Variants in SLC22A23 observed in about 807,000 individuals in gnomAD.
SLC22A23 encodes solute carrier family 22 member 23.
Under a neutral mutation model 61.0 loss-of-function variants are expected in SLC22A23, and 26 were observed. The observed-to-expected ratio is 0.43, with a 90% CI of 0.31 to 0.59. The LOEUF (loss-of-function observed/expected upper bound fraction) is 0.59, where lower values mean the gene tolerates loss of function less well. Among genes scored for constraint, SLC22A23 ranks in the 20% least tolerant of loss-of-function variants. The pLI is 0.11. For synonymous variants in SLC22A23, 430 were observed against 413.9 expected (o/e 1.04, Z -0.47); for missense variants, 796 against 934.7 (o/e 0.85, Z 1.94).
At chr6:3,451,536 G>A (rs1337788450) in intron 1 of SLC22A23, among the ~76,000 whole-genome samples, 2 of 152,204 alleles carry the variant, frequency 1.3e-5, no homozygotes, top group African/African-American at 2.4e-5. Flanking sequence ...AGTCCATGGA[G>A]TCTTTGTTTT....
rs1480510913 is a variant in SLC22A23 at position 3,309,277 on chromosome 6, C to T, written c.1083-11059G>A. 2.0e-5 allele frequency among the ~76,000 whole-genome samples: 3 copies of T among 152,182 alleles called. No homozygotes were observed. The East Asian group carries it at 5.8e-4, about 29-fold the overall frequency. On this transcript the variant is annotated intron_variant, in intron 4 of 9. Coordinates refer to ENST00000406686, the MANE Select transcript of SLC22A23 (RefSeq NM_015482.2). This position sits in a 1 kb window ranked among gnomAD's most constrained non-coding sequence, Gnocchi z 4.7. ...TGCCGCTGCACTCTAGCCTGGGCAA[C>T]AGAGTGAGACCCTGTCTCAAAATGA...
rs935797826 is a variant in SLC22A23, at chr6:3,360,827, G to A, written c.914-36825C>T. ...TCGGCCAGGCAGGCCCACAGCTGGCGTGGTCATCCAGGGCGGGAACGGGAT... is the reference window on the plus strand; with the variant it reads ...TCGGCCAGGCAGGCCCACAGCTGGCATGGTCATCCAGGGCGGGAACGGGAT... On this transcript the variant is annotated intron_variant, in intron 3 of 9. Coordinates refer to ENST00000406686, the MANE Select transcript of SLC22A23 (RefSeq NM_015482.2). This position sits in a 1 kb window ranked among gnomAD's most constrained non-coding sequence, Gnocchi z 4.6. Among the ~76,000 whole-genome samples, 3 of 152,236 alleles carry A rather than the reference G, an allele frequency of 2.0e-5. No homozygotes were observed. Among genetic ancestry groups the A allele is most frequent in the East Asian group, 3.9e-4 (2 of 5,194 alleles).
chr6:3,446,882 G>C (rs906393302), intron 1 of SLC22A23, among the ~76,000 whole-genome samples: 2 of 152,074 alleles, frequency 1.3e-5, no homozygotes, highest in Non-Finnish European at 2.9e-5. Flanking sequence ...CTGGCTAAGG[G>C]CATCTCCCTG....
At chr6:3,412,901 A>G (rs6921923) in intron 2 of SLC22A23, among the ~76,000 whole-genome samples, 121,023 of 151,830 alleles carry the variant, frequency 0.8, 48,660 homozygotes, top group South Asian at 0.86. Flanking sequence ...AAAGCAGGGG[A>G]GCAGATTATC....
intron 3 of SLC22A23, among the ~76,000 whole-genome samples, chr6:3,358,962 C>G (rs1765276649): frequency 6.6e-6 from 1 of 152,170 alleles, no homozygotes; most frequent in African/African-American, 2.4e-5. Context: ...AGCTGCCACC[C>G]ATTGCATTTC....
chr6:3,285,288 G>A (rs1006176439), intron 7 of SLC22A23, among the ~76,000 whole-genome samples, 177 bp from the exon 8 acceptor site: 3 of 152,238 alleles, frequency 2.0e-5, no homozygotes, highest in African/African-American at 7.2e-5. Context: ...TTCATACTGC[G>A]CTAAACAAAG....
intron 3 of SLC22A23, among the ~76,000 whole-genome samples, chr6:3,354,098 C>A (rs932875096): frequency 2.0e-5 from 3 of 152,222 alleles, no homozygotes; most frequent in African/African-American, 7.2e-5. Context: ...GTGGAAATTT[C>A]GATGGTGATC....
chr6:3,293,240 C>G (rs1443487341), intron 5 of SLC22A23, among the ~76,000 whole-genome samples: 1 of 152,038 alleles, frequency 6.6e-6, no homozygotes, highest in East Asian at 1.9e-4. Flanking sequence ...AGGAGGAGGA[C>G]AAGGAGCAGG....
intron 3 of SLC22A23, among the ~76,000 whole-genome samples, chr6:3,334,171 T>G: frequency 6.6e-6 from 1 of 152,374 alleles, no homozygotes; most frequent in African/African-American, 2.4e-5. Context: ...TTTTATTTTT[T>G]TATTTTTGAG....
chr6:3,357,552 TATC>T (rs1378142992), intron 3 of SLC22A23, among the ~76,000 whole-genome samples: 3 of 151,994 alleles, frequency 2.0e-5, no homozygotes, highest in African/African-American at 7.3e-5. Flanking sequence ...TCTAAAAGCT[TATC>T]ATAAAAAAAT....
intron 3 of SLC22A23, among the ~76,000 whole-genome samples, chr6:3,409,586 T>C (rs1368749714): frequency 6.6e-6 from 1 of 152,238 alleles, no homozygotes; most frequent in East Asian, 1.9e-4. Context: ...CTTCTCCTTA[T>C]GGGTGTGTGG....
chr6:3,307,956 C>A (rs1762103042), intron 4 of SLC22A23, among the ~76,000 whole-genome samples: 1 of 152,196 alleles, frequency 6.6e-6, no homozygotes, highest in South Asian at 2.1e-4. Flanking sequence ...GGACACCGTA[C>A]TCTGTGCAAT....
rs536670020 is a variant in SLC22A23, at chr6:3,338,966, A to G, written c.914-14964T>C. 2.0e-5 allele frequency among the ~76,000 whole-genome samples: 3 copies of G among 152,330 alleles called. No homozygotes were observed. In the East Asian group the frequency reaches 5.8e-4, roughly 29 times the overall value. ...GGAGGTACCCAGGAAGCCCCAACGG[A>G]GAAAGTAACCCCAAGACTGAAGCCT... On this transcript the variant is annotated intron_variant, in intron 3 of 9. Coordinates refer to ENST00000406686, the MANE Select transcript of SLC22A23 (RefSeq NM_015482.2).
chr6:3,336,088 C>CAA (rs774382213), intron 3 of SLC22A23, among the ~76,000 whole-genome samples: 23,003 of 138,514 alleles, frequency 0.17, 1,930 homozygotes, highest in South Asian at 0.27. Flanking sequence ...GACTCCATCT[C>CAA]AAAAAAAAAA....
Position 3,386,737 on chromosome 6 carries a change from C to T in SLC22A23, c.913+23451G>A, listed in dbSNP as rs1004710159. Among the ~76,000 whole-genome samples, 4 of 152,156 alleles carry T rather than the reference C, an allele frequency of 2.6e-5. No homozygotes were observed. The highest frequency in any genetic ancestry group is 7.2e-5 in the African/African-American group (3 of 41,428). ...TCACCCAGCGTGGGAGGGGTGGAGG[C>T]GGCAGTGGGACTGGGTCTCCCACCC... On this transcript the variant is annotated intron_variant, in intron 3 of 9. Transcript: ENST00000406686. This position sits in a 1 kb window ranked among gnomAD's most constrained non-coding sequence, Gnocchi z 4.4.
chr6:3,298,341 G>C (rs1465886558), intron 4 of SLC22A23, 123 bp from the exon 5 acceptor site: 14 of 1,081,136 alleles, frequency 1.3e-5, no homozygotes, highest in Non-Finnish European at 1.8e-5. Flanking sequence ...ACACGCATCA[G>C]CCCAATCAGG....
At chr6:3,452,128 T>C (rs1772180016) in intron 1 of SLC22A23, among the ~76,000 whole-genome samples, 1 of 152,206 alleles carries the variant, frequency 6.6e-6, no homozygotes, top group Non-Finnish European at 1.5e-5. Flanking sequence ...GCATATTCAG[T>C]AGGTTAGGTG....
In SLC22A23 at chr6:3,456,623, G is replaced by A. The variant is rs1772423320; in HGVS notation, c.-64C>T. ...CGGCGGAGGCTCCGCGGGCGCCCCGGGCACAGCGCGCCGGGCCAGGCGCCT... is the reference window on the plus strand; with the variant it reads ...CGGCGGAGGCTCCGCGGGCGCCCCGAGCACAGCGCGCCGGGCCAGGCGCCT... On this transcript the variant is annotated 5_prime_UTR_variant, in exon 1 of 10. Transcript: ENST00000406686. This position sits in a 1 kb window ranked among gnomAD's most constrained non-coding sequence, Gnocchi z 7.1. 2.1e-6 allele frequency: 2 copies of A among 953,282 alleles called. No individual in the cohort carries two copies. The highest frequency in any genetic ancestry group is 6.4e-5 in the Admixed American group (1 of 15,748). 59.1% of individuals were successfully genotyped at this position (953,282 alleles called of 1,614,324 possible).
At position 3,387,399 on chromosome 6, in the gene SLC22A23, A is replaced by T. The variant is rs139018444; in HGVS notation, c.913+22789T>A. 6.2e-4 allele frequency among the ~76,000 whole-genome samples: 94 copies of T among 152,334 alleles called. No individual in the cohort carries two copies. Among genetic ancestry groups the T allele is most frequent in the African/African-American group, 2.2e-3 (92 of 41,564 alleles). ...CTGCAAAATACCAACCCGTTACACC[A>T]CTGTCCTCATCACAGTGTTAAGGTC... is the stretch of plus-strand genomic sequence containing the variant. On this transcript the variant is annotated intron_variant, in intron 3 of 9. Coordinates refer to ENST00000406686, the MANE Select transcript of SLC22A23 (RefSeq NM_015482.2). This position sits in a 1 kb window ranked among gnomAD's most constrained non-coding sequence, Gnocchi z 5.0.
Sources: allele counts gnomAD v4.1 joint callset (sites outside exome capture counted in the v4.1 genomes callset), GRCh38; gene constraint gnomAD v4.1.1; non-coding constraint Gnocchi (gnomAD v3.1); transcripts MANE v1.5; gene names NCBI Gene and HGNC (gene_info 2026-07-23, HGNC 2026-07-21).